ATP13A1: variants seen among roughly 807,000 people sequenced by gnomAD.
The protein encoded by ATP13A1 is endoplasmic reticulum transmembrane helix translocase.
Under a neutral mutation model 134.8 loss-of-function variants are expected in ATP13A1, and 55 were observed. The ratio of observed to expected loss-of-function variants is 0.41; its 90% CI spans 0.33 to 0.51. The LOEUF is 0.51. ATP13A1 is among the 20% of genes least tolerant of loss of function. The pLI, the probability that ATP13A1 is intolerant of heterozygous loss-of-function variation, is 0.29. For missense variants in ATP13A1, 1,389 were observed against 1,652.8 expected (o/e 0.84, Z 2.77); for synonymous variants, 775 against 725.1 (o/e 1.07, Z -1.10).
intron 1 of ATP13A1, chr19:19,662,126 G>T: frequency 6.4e-7 from 1 of 1,563,716 alleles, no homozygotes; most frequent in Non-Finnish European, 8.7e-7. Context: ...TCCCTGGAGA[G>T]GAAGTTAAGA....
In ATP13A1 at chr19:19,656,578, G is replaced by A; in HGVS notation, c.1083+82C>T. ...GCCTCCTCCGCCTGTGCCTGAGGGGGATCCCCGCCACCCCCTGGGCCTCCA... is the reference window on the plus strand; with the variant it reads ...GCCTCCTCCGCCTGTGCCTGAGGGGAATCCCCGCCACCCCCTGGGCCTCCA... On this transcript the variant is annotated intron_variant, in intron 7 of 25. Transcript: ENST00000357324. The surrounding 1 kb of genome is among the most constrained non-coding windows in gnomAD (Gnocchi z 4.6). 2.8e-6 allele frequency: 4 copies of A among 1,421,238 alleles called. No homozygotes were observed. Among genetic ancestry groups the A allele is most frequent in the Non-Finnish European group, 3.9e-6 (4 of 1,036,320 alleles). The allele number at this position is 1,421,238 out of a possible 1,614,324, so 88.0% of individuals were successfully genotyped here. A position where few individuals can be genotyped will look rare whatever the true frequency, so the allele number is the denominator to read the frequency against.
chr19:19,662,619 C>T (rs560070177), intron 1 of ATP13A1, among the ~76,000 whole-genome samples: 7 of 152,332 alleles, frequency 4.6e-5, no homozygotes, highest in African/African-American at 1.7e-4. Flanking sequence ...GTCAGGAGCG[C>T]GACCTTGCTT....
At position 19,663,625 on chromosome 19, in the gene ATP13A1, C is replaced by T. The variant is rs750531472; in HGVS notation, c.42G>A (p.Gly14=). Residue 14 remains glycine (G), a synonymous_variant, in exon 1 of 26, where the codon GGG becomes GGA. Coordinates refer to ENST00000357324, the MANE Select transcript of ATP13A1 (RefSeq NM_020410.3). The part of the protein sequence containing the change: ...AAAVGNAVPC[G]ARPCGVRPDG... ...CAGGCCGGACCCCGCAAGGCCGGGC[C>T]CCGCAGGGCACCGCGTTGCCCACCG... is the stretch of plus-strand genomic sequence containing the variant. 13 of 1,350,634 alleles carry T rather than the reference C, an allele frequency of 9.6e-6. No homozygotes were observed. Among genetic ancestry groups the T allele is most frequent in the Admixed American group, 7.3e-5 (2 of 27,264 alleles). 83.7% of individuals were successfully genotyped at this position (1,350,634 alleles called of 1,614,324 possible).
chr19:19,654,797 G>A, intron 12 of ATP13A1, 97 bp from the exon 13 acceptor site: 2 of 1,412,552 alleles, frequency 1.4e-6, no homozygotes, highest in South Asian at 1.4e-5. Context: ...TTCATTCCGT[G>A]CTTGTCACTG....
At position 19,655,436 on chromosome 19, in the gene ATP13A1, G is replaced by A. The variant is rs1340291211; in HGVS notation, c.1414C>T (p.Arg472Trp). The A allele has an allele frequency of 1.9e-6, 3 of 1,613,990 alleles. No homozygotes were observed. The highest frequency in any genetic ancestry group is 2.2e-5 in the East Asian group (1 of 44,892). ...TCCAGAAACAGCTTGTAGCGGTTCC[G>A]GCTGGGGTCCTTGGTACCTGTGGAG... Reference protein sequence around the residue: ...VWIEGTKDPSRNRYKLFLECT... With the variant: ...VWIEGTKDPSWNRYKLFLECT... Residue 472 changes from arginine to tryptophan, a missense_variant, in exon 11 of 26, where the codon CGG becomes TGG. By Grantham distance (101) the Arg-to-Trp change is moderately radical. Transcript: ENST00000357324. The surrounding 1 kb of genome is among the most constrained non-coding windows in gnomAD (Gnocchi z 5.7).
Position 19,655,824 on chromosome 19 carries a change from A to G in ATP13A1, c.1269+54T>C. Reference sequence around the variant, plus strand: ...TGTTCTGGGGTCGGAAAGGGCTGATACCTTGGCTGTCCAACTGCCCTGGGG... The same window carrying G: ...TGTTCTGGGGTCGGAAAGGGCTGATGCCTTGGCTGTCCAACTGCCCTGGGG... On this transcript the variant is annotated intron_variant, in intron 9 of 25. Transcript: ENST00000357324. This position sits in a 1 kb window ranked among gnomAD's most constrained non-coding sequence, Gnocchi z 5.7. 1 of 1,545,256 alleles carries G rather than the reference A, an allele frequency of 6.5e-7. No homozygotes were observed. Among genetic ancestry groups the G allele is most frequent in the South Asian group, 1.2e-5 (1 of 84,724 alleles).
Position 19,647,347 on chromosome 19 carries a change from G to A in ATP13A1, c.2909-22C>T. ...CAGACTGCAGGGTGGTGGGGAGGCAGGTGTGGGTGTGGGTAGGGGTGCCAA... is the reference window on the plus strand; with the variant it reads ...CAGACTGCAGGGTGGTGGGGAGGCAAGTGTGGGTGTGGGTAGGGGTGCCAA... On this transcript the variant is annotated intron_variant, in intron 21 of 25. Coordinates refer to ENST00000357324, the MANE Select transcript of ATP13A1 (RefSeq NM_020410.3). The surrounding 1 kb of genome is among the most constrained non-coding windows in gnomAD (Gnocchi z 4.8). 6.2e-7 allele frequency: 1 copy of A among 1,610,038 alleles called. No individual in the cohort carries two copies. Among genetic ancestry groups the A allele is most frequent in the Non-Finnish European group, 8.5e-7 (1 of 1,177,890 alleles).
At chr19:19,662,906 G>A (rs1041841227) in intron 1 of ATP13A1, among the ~76,000 whole-genome samples, 1 of 152,118 alleles carries the variant, frequency 6.6e-6, no homozygotes, top group South Asian at 2.1e-4. Flanking sequence ...TGAGATGGAA[G>A]GTAGGGCCGT....
rs1295668159 is a variant in ATP13A1 at position 19,653,337 on chromosome 19, A to G, written c.2100+447T>C. The G allele has an allele frequency of 4.8e-6, 1 of 210,092 alleles. No individual in the cohort carries two copies. The highest frequency in any genetic ancestry group is 9.7e-6 in the Non-Finnish European group (1 of 102,978). The allele number at this position is 210,092 out of a possible 1,614,324, so 13.0% of individuals were successfully genotyped here. A position where few individuals can be genotyped will look rare whatever the true frequency, so the allele number is the denominator to read the frequency against. On this transcript the variant is annotated intron_variant, in intron 15 of 25. Transcript: ENST00000357324. This position sits in a 1 kb window ranked among gnomAD's most constrained non-coding sequence, Gnocchi z 4.2. Reference sequence around the variant, plus strand: ...GTGAGCTGTGGCCTGGGCTCTGCACACAGTACTGCAACCTGAGGCTAAATT... The same window carrying G: ...GTGAGCTGTGGCCTGGGCTCTGCACGCAGTACTGCAACCTGAGGCTAAATT...
chr19:19,658,278 G>A (rs571464003), intron 3 of ATP13A1, among the ~76,000 whole-genome samples: 2 of 151,790 alleles, frequency 1.3e-5, no homozygotes, highest in East Asian at 3.9e-4. Flanking sequence ...GGTCATTCTC[G>A]CTCTGCCCTT....
intron 19 of ATP13A1, among the ~76,000 whole-genome samples, chr19:19,648,176 A>G (rs1304523814): frequency 1.3e-5 from 2 of 151,848 alleles, no homozygotes; most frequent in African/African-American, 4.8e-5. Context: ...AAAATTAGCC[A>G]GGGGTGGTGG....
rs1358289009 is a variant in ATP13A1 at position 19,647,867 on chromosome 19, A to G, written c.2633-108T>C. ...AGTCCCCCAGCTGGCTCCCGTGAGG[A>G]CAGTTCCCAGACTTCCCCATTTCAC... On this transcript the variant is annotated intron_variant, in intron 19 of 25. Coordinates refer to ENST00000357324, the MANE Select transcript of ATP13A1 (RefSeq NM_020410.3). The surrounding 1 kb of genome is among the most constrained non-coding windows in gnomAD (Gnocchi z 4.8). The G allele has an allele frequency of 7.2e-7, 1 of 1,385,910 alleles. No individual in the cohort carries two copies. Among genetic ancestry groups the G allele is most frequent in the African/African-American group, 1.4e-5 (1 of 69,356 alleles). The allele number at this position is 1,385,910 out of a possible 1,614,324, so 85.9% of individuals were successfully genotyped here.
intron 13 of ATP13A1, 97 bp downstream of exon 13, chr19:19,654,446 C>G: frequency 7.1e-7 from 1 of 1,415,776 alleles, no homozygotes. Context: ...TGTAGGCCTG[C>G]CTGTCCCCAA....
chr19:19,662,100 T>A, intron 1 of ATP13A1: 1 of 1,573,266 alleles, frequency 6.4e-7, no homozygotes, highest in Non-Finnish European at 8.6e-7. Flanking sequence ...GCTGTTCAGC[T>A]CCTCCCACTT....
chr19:19,650,050 C>T (rs1489622575), intron 17 of ATP13A1, 110 bp from the exon 18 acceptor site: 16 of 982,900 alleles, frequency 1.6e-5, no homozygotes, highest in East Asian at 2.6e-5. Context: ...CTGGAGCCCG[C>T]ACCTCCCTAC....
At chr19:19,648,892 C>T (rs1012791369) in intron 19 of ATP13A1, among the ~76,000 whole-genome samples, 4 of 148,628 alleles carry the variant, frequency 2.7e-5, no homozygotes, top group Admixed American at 6.7e-5. Context: ...GAGGCCAAGG[C>T]GGGTGGATCA....
Position 19,649,892 on chromosome 19 carries a change from A to C in ATP13A1, c.2384T>G (p.Leu795Arg), listed in dbSNP as rs2062013152. The C allele has an allele frequency of 2.5e-6, 4 of 1,600,798 alleles. No individual in the cohort carries two copies. The East Asian group carries it at 8.9e-5, about 36-fold the overall frequency. Residue 795 changes from leucine to arginine, a missense_variant, in exon 18 of 26, where the codon CTG becomes CGG. By Grantham distance (102) the Leu-to-Arg change is moderately radical. Around this residue, in one of 4 missense-constraint regions of ATP13A1, gnomAD observed 747 missense variants for 956.1 expected, o/e 0.78. Transcript: ENST00000357324. The part of the protein sequence containing the change: ...RSIDGSIVLP[L>R]ARGSPKALAL... ...CAGTGCCTTTGGGGAGCCCCGGGCC[A>C]GGGGCAGCACGATGCTGCCGTCAAT...
In ATP13A1 at chr19:19,655,116, T is replaced by A. The variant is rs2062048970; in HGVS notation, c.1655+3A>T. 6.2e-7 allele frequency: 1 copy of A among 1,613,532 alleles called. No homozygotes were observed. Among genetic ancestry groups the A allele is most frequent in the Admixed American group, 1.7e-5 (1 of 59,974 alleles). On this transcript the variant is annotated splice_donor_region_variant and intron_variant, in intron 12 of 25. Coordinates refer to ENST00000357324, the MANE Select transcript of ATP13A1 (RefSeq NM_020410.3). This position sits in a 1 kb window ranked among gnomAD's most constrained non-coding sequence, Gnocchi z 5.7. The stretch of plus-strand genomic sequence containing the variant: ...CCTTTGCTGCAGGGCCCCTGATGCT[T>A]ACCTCAGCCCGGCCACACCGCGCAC...
intron 22 of ATP13A1, 26 bp from the exon 23 acceptor site, chr19:19,646,373 G>A (rs1299622280): frequency 1.2e-6 from 2 of 1,612,942 alleles, no homozygotes; most frequent in African/African-American, 2.7e-5. Context: ...GGGTGGGGGA[G>A]TCAGGATCTG....
Sources: allele counts gnomAD v4.1 joint callset (sites outside exome capture counted in the v4.1 genomes callset), GRCh38; gene constraint gnomAD v4.1.1; regional missense constraint gnomAD v4.1.1; non-coding constraint Gnocchi (gnomAD v3.1); transcripts MANE v1.5; gene names NCBI Gene and HGNC (gene_info 2026-07-23, HGNC 2026-07-21).